GATA3: variants seen among roughly 807,000 people sequenced by gnomAD.
GATA3 encodes the protein GATA binding protein 3.
In GATA3, 6 loss-of-function variants were observed where a neutral mutation model predicts 36.0. That is an observed-to-expected ratio of 0.17 (90% CI 0.09 to 0.33). The LOEUF is 0.33. Ranked by LOEUF, GATA3 falls within the 10% of genes least tolerant of loss-of-function variation. The pLI is 1.00. For synonymous variants in GATA3, 326 were observed against 273.0 expected, an observed-to-expected ratio of 1.19 and a Z score of -1.92; for missense variants, 514 against 610.1, an observed-to-expected ratio of 0.84 and a Z score of 1.66.
At chr10:8,057,614 C>T (rs918047969) in intron 2 of GATA3, among the ~76,000 whole-genome samples, 1 of 152,160 alleles carries the variant, frequency 6.6e-6, no homozygotes, top group Non-Finnish European at 1.5e-5. Context: ...CTTTCTCCAA[C>T]AGCCCGAGCA....
intron 3 of GATA3, 93 bp from the exon 4 acceptor site, chr10:8,063,900 C>T: frequency 1.3e-6 from 2 of 1,574,954 alleles, no homozygotes; most frequent in Non-Finnish European, 1.7e-6. Context: ...GAAAAAAGTT[C>T]TCCATTTTAC....
At position 8,074,580 on chromosome 10, in the gene GATA3, C is replaced by T; in HGVS notation, c.*557C>T. On this transcript the variant is annotated 3_prime_UTR_variant, in exon 6 of 6. Coordinates refer to ENST00000379328, the MANE Select transcript of GATA3 (RefSeq NM_001002295.2). ...GAATCATTTGTTCAAAGCTGTTGGC[C>T]TCTGCAAAGGAAATACCAGTTCTGG... The T allele has an allele frequency of 4.3e-6, 1 of 234,100 alleles. No individual in the cohort carries two copies. The highest frequency in any genetic ancestry group is 8.4e-6 in the Non-Finnish European group (1 of 118,464). The allele number at this position is 234,100 out of a possible 1,614,324, so 14.5% of individuals were successfully genotyped here. A position where few individuals can be genotyped will look rare whatever the true frequency, so the allele number is the denominator to read the frequency against.
At chr10:8,066,009 CAACA>C (rs1832835866) in intron 4 of GATA3, among the ~76,000 whole-genome samples, 1 of 95,264 alleles carries the variant, frequency 1.0e-5, no homozygotes, top group Non-Finnish European at 2.2e-5. Flanking sequence ...GAAAAAAAAA[CAACA>C]AACAAAAACC....
upstream of GATA3, chr10:8,053,227 A>G (rs1832545063): frequency 6.6e-6 from 1 of 152,206 alleles, no homozygotes; most frequent in South Asian, 2.1e-4. This position sits in a 1 kb window ranked among gnomAD's most constrained non-coding sequence, Gnocchi z 5.1. Context: ...TTGCATTTGT[A>G]GGGAATTTTA....
rs1052180145 is a variant in GATA3, at chr10:8,074,977, C to T, written c.*954C>T. 6.0e-5 allele frequency: 14 copies of T among 233,358 alleles called. No homozygotes were observed. Among genetic ancestry groups the T allele is most frequent in the South Asian group, 5.4e-4 (3 of 5,534 alleles). The allele number at this position is 233,358 out of a possible 1,614,324, so 14.5% of individuals were successfully genotyped here. ...TATTAAATAGCTTCTAAGAGTCCGG[C>T]GGCATCTGTCTTGTCCCTATTCCTG... On this transcript the variant is annotated 3_prime_UTR_variant, in exon 6 of 6. Coordinates refer to ENST00000379328, the MANE Select transcript of GATA3 (RefSeq NM_001002295.2).
intron 3 of GATA3, among the ~76,000 whole-genome samples, chr10:8,060,825 C>T (rs1832735301): frequency 6.6e-6 from 1 of 152,164 alleles, no homozygotes; most frequent in African/African-American, 2.4e-5. Context: ...AATACCGATA[C>T]ACCGATTTTG....
In GATA3 at chr10:8,058,906, C is replaced by T. The variant is rs11567902; in HGVS notation, c.778+65C>T. The T allele has an allele frequency of 2.8e-3, 4,297 of 1,509,294 alleles. 120 individuals are homozygous for T. The African/African-American group carries it at 0.053, about 19-fold the overall frequency. 93.5% of individuals were successfully genotyped at this position (1,509,294 alleles called of 1,614,324 possible). A position where few individuals can be genotyped will look rare whatever the true frequency, so the allele number is the denominator to read the frequency against. ...CCTCCCCTTTTCCTCAATCCAGGGC[C>T]GCACCCAGAGGGACCCCTCAGGGGA... On this transcript the variant is annotated intron_variant, in intron 3 of 5. Coordinates refer to ENST00000379328, the MANE Select transcript of GATA3 (RefSeq NM_001002295.2).
chr10:8,063,148 C>T (rs189064968), intron 3 of GATA3, among the ~76,000 whole-genome samples: 1 of 152,174 alleles, frequency 6.6e-6, no homozygotes, highest in Non-Finnish European at 1.5e-5. Flanking sequence ...GCAGCCACCC[C>T]GCTTTGTTAA....
upstream of GATA3, among the ~76,000 whole-genome samples, chr10:8,048,961 C>A (rs1316708219): frequency 1.2e-4 from 12 of 100,728 alleles, 1 homozygote; most frequent in African/African-American, 3.0e-4. Context: ...GGGCGGAGTG[C>A]GGGGGCGGGG....
intron 4 of GATA3, among the ~76,000 whole-genome samples, chr10:8,065,865 GAAAAAAAA>G (rs36068913): frequency 5.7e-5 from 4 of 69,806 alleles, no homozygotes; most frequent in African/African-American, 2.4e-4. Context: ...AGAAGTGTTT[GAAAAAAAA>G]AAAAAAAAAA....
chr10:8,072,765 T>C (rs1832950461), intron 5 of GATA3, among the ~76,000 whole-genome samples: 1 of 152,150 alleles, frequency 6.6e-6, no homozygotes, highest in Non-Finnish European at 1.5e-5. Context: ...GTTGGTTGGC[T>C]GTTTGTCTGG....
upstream of GATA3, chr10:8,051,152 G>A (rs1350445286): frequency 2.0e-6 from 1 of 503,992 alleles, no homozygotes; most frequent in African/African-American, 1.9e-5. Flanking sequence ...GCCCCTGGGA[G>A]GGCGGGTGGG....
chr10:8,049,531 G>A (rs1832435547), upstream of GATA3, among the ~76,000 whole-genome samples: 1 of 152,162 alleles, frequency 6.6e-6, no homozygotes, highest in South Asian at 2.1e-4. Context: ...AACCTGCGCG[G>A]TCCGGGGCGC....
At chr10:8,053,549 C>T (rs1039005185), upstream of GATA3, 1 of 152,142 alleles carries the variant, frequency 6.6e-6, no homozygotes, top group Admixed American at 6.5e-5. The surrounding 1 kb of genome is among the most constrained non-coding windows in gnomAD (Gnocchi z 5.1). Flanking sequence ...GCCACAGCCT[C>T]GCCCGCTGAT....
chr10:8,062,006 G>A (rs1832756607), intron 3 of GATA3, among the ~76,000 whole-genome samples: 1 of 152,242 alleles, frequency 6.6e-6, no homozygotes. Flanking sequence ...AGAAGGGGCT[G>A]ACCCAGCAGC....
rs778053991 is a variant in GATA3, at chr10:8,064,149, G to C, written c.924+11G>C. ...CCCAAGCGAAGGCTGGTAAGTTCTC[G>C]GGAAGGGATGGATTCCATGCTGACC... On this transcript the variant is annotated intron_variant, in intron 4 of 5. Coordinates refer to ENST00000379328, the MANE Select transcript of GATA3 (RefSeq NM_001002295.2). The C allele has an allele frequency of 1.9e-6, 3 of 1,614,062 alleles. No homozygotes were observed. The highest frequency in any genetic ancestry group is 1.7e-6 in the Non-Finnish European group (2 of 1,179,996).
intron 2 of GATA3, among the ~76,000 whole-genome samples, chr10:8,056,482 T>G (rs1588375815): frequency 1.3e-5 from 2 of 152,168 alleles, no homozygotes; most frequent in South Asian, 4.1e-4. Flanking sequence ...GTGCCTTTGG[T>G]TTTTAGACAG....
chr10:8,049,663 C>A (rs542949511), upstream of GATA3, among the ~76,000 whole-genome samples: 10 of 152,304 alleles, frequency 6.6e-5, no homozygotes, highest in African/African-American at 2.4e-4. Context: ...TACAGCTTTA[C>A]CTGTGCTATA....
At chr10:8,052,901 G>C (rs1031826199), upstream of GATA3, 7 of 150,676 alleles carry the variant, frequency 4.6e-5, no homozygotes, top group Non-Finnish European at 1.0e-4. Context: ...ACGTGGCGGG[G>C]GGGGGGGGAG....
Sources: allele counts gnomAD v4.1 joint callset (sites outside exome capture counted in the v4.1 genomes callset), GRCh38; gene constraint gnomAD v4.1.1; non-coding constraint Gnocchi (gnomAD v3.1); transcripts MANE v1.5; gene names NCBI Gene and HGNC (gene_info 2026-07-23, HGNC 2026-07-21).